PTPRG: variants seen among roughly 807,000 people sequenced by gnomAD.
PTPRG encodes receptor-type tyrosine-protein phosphatase gamma.
In PTPRG, 102 loss-of-function variants were observed where a neutral mutation model predicts 165.3. That is an observed-to-expected ratio of 0.62 (90% confidence interval 0.53 to 0.73). The LOEUF is 0.73. PTPRG is among the 30% of genes least tolerant of loss of function. PTPRG has a pLI of 0.00. For missense variants in PTPRG, 1,866 were observed against 1,861.4 expected, an observed-to-expected ratio of 1.00 and a Z score of -0.05; for synonymous variants, 675 against 669.5, an observed-to-expected ratio of 1.01 and a Z score of -0.13.
At chr3:62,088,778 T>G (rs903565562) in intron 5 of PTPRG, among the ~76,000 whole-genome samples, 4 of 152,256 alleles carry the variant, frequency 2.6e-5, no homozygotes, top group Non-Finnish European at 4.4e-5. Context: ...TTGCAGAGGT[T>G]GTAGGAGAAC....
chr3:61,606,497 G>A (rs1325289785), intron 1 of PTPRG, among the ~76,000 whole-genome samples: 1 of 152,252 alleles, frequency 6.6e-6, no homozygotes, highest in Non-Finnish European at 1.5e-5. Flanking sequence ...AACTCCTGCG[G>A]AGCTATATAC....
At chr3:61,704,504 A>G (rs1214217487) in intron 1 of PTPRG, among the ~76,000 whole-genome samples, 1 of 152,172 alleles carries the variant, frequency 6.6e-6, no homozygotes, top group Non-Finnish European at 1.5e-5. Context: ...TCTGTTCACT[A>G]GATAGCTCCA....
intron 8 of PTPRG, among the ~76,000 whole-genome samples, chr3:62,184,191 G>A (rs1218598310): frequency 3.3e-5 from 5 of 152,210 alleles, no homozygotes; most frequent in African/African-American, 4.8e-5. Context: ...AATGCACAGA[G>A]CCGGGCCCAG....
At chr3:61,979,840 G>T (rs1575845574) in intron 2 of PTPRG, among the ~76,000 whole-genome samples, 1 of 152,282 alleles carries the variant, frequency 6.6e-6, no homozygotes, top group East Asian at 1.9e-4. Flanking sequence ...CATCCTGTCT[G>T]CACCCTGTGA....
chr3:61,607,988 T>C (rs986634644), intron 1 of PTPRG, among the ~76,000 whole-genome samples: 3 of 152,164 alleles, frequency 2.0e-5, no homozygotes. Context: ...TCTTAAACTT[T>C]ACCTAATTAC....
chr3:62,096,298 G>A (rs543891162), intron 5 of PTPRG, among the ~76,000 whole-genome samples: 9 of 152,302 alleles, frequency 5.9e-5, no homozygotes, highest in African/African-American at 2.2e-4. Flanking sequence ...GAGGGTGAAA[G>A]CAGGTCAGAA....
At chr3:61,807,688 T>C (rs1029669075) in intron 2 of PTPRG, among the ~76,000 whole-genome samples, 2 of 152,210 alleles carry the variant, frequency 1.3e-5, no homozygotes, top group African/African-American at 4.8e-5. Context: ...GATAACAGAA[T>C]CATAAATGTG....
At chr3:61,917,234 C>A (rs2038963123) in intron 2 of PTPRG, among the ~76,000 whole-genome samples, 1 of 152,302 alleles carries the variant, frequency 6.6e-6, no homozygotes, top group East Asian at 1.9e-4. Context: ...AAACCTCCTG[C>A]CCTGCAGTGG....
intron 2 of PTPRG, among the ~76,000 whole-genome samples, chr3:61,846,946 G>A (rs560981752): frequency 5.3e-5 from 8 of 152,210 alleles, no homozygotes; most frequent in East Asian, 1.9e-4. Flanking sequence ...AATATTTTGC[G>A]ACTGTGCTGT....
intron 4 of PTPRG, among the ~76,000 whole-genome samples, chr3:62,023,561 T>C (rs1339339648): frequency 1.3e-5 from 2 of 152,152 alleles, no homozygotes; most frequent in Admixed American, 1.3e-4. Flanking sequence ...ATGCATTACT[T>C]TCCTCTCTAG....
intron 2 of PTPRG, among the ~76,000 whole-genome samples, chr3:61,758,434 A>G (rs2033710315): frequency 6.6e-6 from 1 of 152,134 alleles, no homozygotes; most frequent in African/African-American, 2.4e-5. Context: ...GAAATTTCCC[A>G]TGTTGAAATT....
chr3:61,637,556 T>A (rs1360257131), intron 1 of PTPRG, among the ~76,000 whole-genome samples: 1 of 152,128 alleles, frequency 6.6e-6, no homozygotes, highest in Non-Finnish European at 1.5e-5. Context: ...GCAGAACGCT[T>A]TCTGTTCCTT....
At chr3:61,869,380 G>A (rs1194721257) in intron 2 of PTPRG, among the ~76,000 whole-genome samples, 1 of 152,112 alleles carries the variant, frequency 6.6e-6, no homozygotes, top group Non-Finnish European at 1.5e-5. Context: ...ATAAAGTCAT[G>A]TTTCATTATT....
At chr3:61,603,125 C>T (rs894554547) in intron 1 of PTPRG, among the ~76,000 whole-genome samples, 14 of 152,124 alleles carry the variant, frequency 9.2e-5, no homozygotes, top group African/African-American at 3.1e-4. Context: ...ATAAATCAGC[C>T]ACCCTGCTGG....
chr3:61,687,858 T>G (rs1703685450), intron 1 of PTPRG, among the ~76,000 whole-genome samples: 1 of 152,216 alleles, frequency 6.6e-6, no homozygotes, highest in Admixed American at 6.5e-5. Flanking sequence ...TTATGACTTT[T>G]TTTTGTTTCC....
At chr3:61,967,212 A>G (rs2040290699) in intron 2 of PTPRG, among the ~76,000 whole-genome samples, 3 of 152,212 alleles carry the variant, frequency 2.0e-5, no homozygotes, top group Non-Finnish European at 4.4e-5. Context: ...TGCAGTTATC[A>G]CAGGCCTTAT....
At chr3:61,683,782 G>A (rs754792664) in intron 1 of PTPRG, among the ~76,000 whole-genome samples, 33 of 152,150 alleles carry the variant, frequency 2.2e-4, no homozygotes, top group Non-Finnish European at 4.4e-4. Context: ...CTACAGTTTG[G>A]CATCAGCAGC....
At chr3:62,167,344 A>G (rs1301022438) in intron 7 of PTPRG, among the ~76,000 whole-genome samples, 1 of 152,178 alleles carries the variant, frequency 6.6e-6, no homozygotes, top group Admixed American at 6.5e-5. Flanking sequence ...CTTGATCACT[A>G]GTATGTCGGA....
intron 2 of PTPRG, among the ~76,000 whole-genome samples, chr3:61,807,053 C>T (rs1458985217): frequency 3.3e-5 from 5 of 152,020 alleles, no homozygotes; most frequent in South Asian, 2.1e-4. Context: ...ATCACATGGA[C>T]GGAGAGGACA....
Sources: allele counts gnomAD v4.1 joint callset (sites outside exome capture counted in the v4.1 genomes callset), GRCh38; gene constraint gnomAD v4.1.1; transcripts MANE v1.5; gene names NCBI Gene and HGNC (gene_info 2026-07-23, HGNC 2026-07-21).